The following ROBO1 variants were observed in gnomAD, a reference collection of about 807,000 sequenced individuals.
The protein encoded by ROBO1 is roundabout guidance receptor 1.
ROBO1 carries 149 observed loss-of-function variants against 195.9 expected under a neutral mutation model. That is an observed-to-expected ratio of 0.76 (90% CI 0.67 to 0.87). The LOEUF is 0.87. Among genes scored for constraint, ROBO1 ranks in the 40% least tolerant of loss-of-function variants. ROBO1 has a pLI of 0.00. For missense variants in ROBO1, 1,933 were observed against 2,068.3 expected (o/e 0.93, Z 1.27); for synonymous variants, 816 against 733.2 (o/e 1.11, Z -1.82).
intron 4 of ROBO1, among the ~76,000 whole-genome samples, chr3:78,929,649 T>C (rs2039402856): frequency 6.6e-6 from 1 of 151,854 alleles, no homozygotes; most frequent in African/African-American, 2.4e-5. Context: ...ATTACAGGCA[T>C]GCACCACCAC....
At chr3:79,179,889 C>A (rs1305143750) in intron 2 of ROBO1, among the ~76,000 whole-genome samples, 1 of 152,136 alleles carries the variant, frequency 6.6e-6, no homozygotes, top group Non-Finnish European at 1.5e-5. Flanking sequence ...ACAATAGTTG[C>A]TTGCAGAGAT....
rs376429567 is a variant in ROBO1 at position 79,244,160 on chromosome 3, A to T, written c.89-118621T>A. 2.6e-5 allele frequency among the ~76,000 whole-genome samples: 4 copies of T among 152,194 alleles called. No individual in the cohort carries two copies. The East Asian group carries it at 5.8e-4, about 22-fold the overall frequency. On this transcript the variant is annotated intron_variant, in intron 2 of 30. Coordinates refer to ENST00000464233, the MANE Select transcript of ROBO1 (RefSeq NM_002941.4). ...AGATTCCACCGTTGATGTTCTTTCT[A>T]TCATATATTCTTCCTCCTTGGTTCA... is the stretch of plus-strand genomic sequence containing the variant.
chr3:79,540,474 AT>A (rs1942023432), intron 2 of ROBO1, among the ~76,000 whole-genome samples: 1 of 152,074 alleles, frequency 6.6e-6, no homozygotes, highest in Non-Finnish European at 1.5e-5. Flanking sequence ...ATCCAATCCT[AT>A]TAATATGCTT....
intron 1 of ROBO1, among the ~76,000 whole-genome samples, chr3:79,639,026 G>A (rs1424217530): frequency 2.0e-5 from 3 of 152,160 alleles, no homozygotes; most frequent in African/African-American, 7.2e-5. Context: ...ATGTGAACTG[G>A]AAAAGAATAT....
At chr3:78,993,517 T>C (rs2077284929) in intron 3 of ROBO1, among the ~76,000 whole-genome samples, 1 of 152,142 alleles carries the variant, frequency 6.6e-6, no homozygotes, top group Non-Finnish European at 1.5e-5. Context: ...TTGAACCCAG[T>C]CAAATCAGTT....
At chr3:79,712,338 C>T (rs979855645) in intron 1 of ROBO1, among the ~76,000 whole-genome samples, 1 of 152,030 alleles carries the variant, frequency 6.6e-6, no homozygotes, top group African/African-American at 2.4e-5. Context: ...GAAAGTGAAA[C>T]AGCCTTATTG....
intron 2 of ROBO1, among the ~76,000 whole-genome samples, chr3:79,274,288 T>G (rs2108981355): frequency 6.6e-6 from 1 of 151,688 alleles, no homozygotes; most frequent in East Asian, 1.9e-4. Context: ...AAATTGAAGC[T>G]ATGTCAAATA....
intron 4 of ROBO1, among the ~76,000 whole-genome samples, chr3:78,885,909 T>TATATATATATA (rs2036531933): frequency 8.5e-6 from 1 of 117,752 alleles, no homozygotes; most frequent in Non-Finnish European, 1.7e-5. Flanking sequence ...TAGCAAAATT[T>TATATATATATA]TATATATATA....
chr3:79,485,637 A>G (rs1384098597), intron 2 of ROBO1, among the ~76,000 whole-genome samples: 1 of 152,044 alleles, frequency 6.6e-6, no homozygotes, highest in Non-Finnish European at 1.5e-5. Context: ...AAAATTATTA[A>G]CTCATTTAAT....
At chr3:79,377,824 C>T (rs977899821) in intron 2 of ROBO1, among the ~76,000 whole-genome samples, 3 of 152,122 alleles carry the variant, frequency 2.0e-5, no homozygotes, top group Non-Finnish European at 4.4e-5. Context: ...GTGATACGGT[C>T]GTGCTAGCAG....
intron 2 of ROBO1, among the ~76,000 whole-genome samples, chr3:79,276,012 A>T (rs73112710): frequency 0.1 from 15,214 of 151,994 alleles, 819 homozygotes; most frequent in Middle Eastern, 0.14. Flanking sequence ...ATGTTCATTG[A>T]CTAAAAGAAT....
In ROBO1 at chr3:78,889,607, T is replaced by C. The variant is rs73116707; in HGVS notation, c.499+48994A>G. The stretch of plus-strand genomic sequence containing the variant: ...CAGAGACTGCCATGTGTATTGCCAG[T>C]TGGGCAGCTTGACAATATGGGGTTT... On this transcript the variant is annotated intron_variant, in intron 4 of 30. Coordinates refer to ENST00000464233, the MANE Select transcript of ROBO1 (RefSeq NM_002941.4). Among the ~76,000 whole-genome samples, 926 of 152,080 alleles carry C rather than the reference T, an allele frequency of 6.1e-3. 4 individuals are homozygous for C. Among genetic ancestry groups the C allele is most frequent in the Non-Finnish European group, 9.6e-3 (654 of 67,986 alleles).
At chr3:79,465,660 A>G (rs1251816781) in intron 2 of ROBO1, among the ~76,000 whole-genome samples, 1 of 152,114 alleles carries the variant, frequency 6.6e-6, no homozygotes, top group Non-Finnish European at 1.5e-5. Flanking sequence ...GACTGCTTCT[A>G]AAATATTTTT....
intron 1 of ROBO1, among the ~76,000 whole-genome samples, chr3:79,630,923 A>G (rs1945321521): frequency 6.6e-6 from 1 of 151,916 alleles, no homozygotes; most frequent in Non-Finnish European, 1.5e-5. Context: ...AACAACCCAG[A>G]TGAGAGATCT....
At chr3:78,755,737 G>A (rs1303767073) in intron 4 of ROBO1, among the ~76,000 whole-genome samples, 1 of 152,134 alleles carries the variant, frequency 6.6e-6, no homozygotes, top group Non-Finnish European at 1.5e-5. Context: ...AGGAGAATAG[G>A]TAGACAATAT....
intron 18 of ROBO1, among the ~76,000 whole-genome samples, chr3:78,656,896 G>GTC (rs141491832): frequency 1.7e-4 from 26 of 150,992 alleles, no homozygotes; most frequent in Admixed American, 3.3e-4. Flanking sequence ...CATCTAGTCT[G>GTC]TCTCTCTCTC....
At chr3:79,624,658 A>G (rs1945113323) in intron 1 of ROBO1, among the ~76,000 whole-genome samples, 1 of 152,220 alleles carries the variant, frequency 6.6e-6, no homozygotes, top group Admixed American at 6.5e-5. Context: ...ACTATTATAA[A>G]TAAATATGCA....
At chr3:78,792,623 G>A (rs2084055061) in intron 4 of ROBO1, among the ~76,000 whole-genome samples, 1 of 152,060 alleles carries the variant, frequency 6.6e-6, no homozygotes, top group Non-Finnish European at 1.5e-5. Context: ...ACTCCATCCA[G>A]GACAAATCCC....
chr3:79,566,516 TA>T (rs1290487855), intron 2 of ROBO1, among the ~76,000 whole-genome samples: 1 of 152,070 alleles, frequency 6.6e-6, no homozygotes, highest in African/African-American at 2.4e-5. Flanking sequence ...AACTATCACT[TA>T]AAAAAGTCTT....
Sources: allele counts gnomAD v4.1 joint callset (sites outside exome capture counted in the v4.1 genomes callset), GRCh38; gene constraint gnomAD v4.1.1; transcripts MANE v1.5; gene names NCBI Gene and HGNC (gene_info 2026-07-23, HGNC 2026-07-21).